AKT3: variants seen among roughly 807,000 people sequenced by gnomAD.
AKT3 encodes AKT serine/threonine kinase 3, also known as RAC-gamma serine/threonine-protein kinase.
Under a neutral mutation model 65.3 loss-of-function variants are expected in AKT3, and 15 were observed. That is an observed-to-expected ratio of 0.23 (90% CI 0.15 to 0.35). The LOEUF (loss-of-function observed/expected upper bound fraction) is 0.35. AKT3 is among the 10% of genes least tolerant of loss of function. AKT3 has a pLI of 1.00. For synonymous variants in AKT3, 206 were observed against 183.8 expected (o/e 1.12, Z -0.98); for missense variants, 243 against 576.5 (o/e 0.42, Z 5.92).
chr1:243,833,156 G>A (rs1371059220), intron 2 of AKT3, among the ~76,000 whole-genome samples: 1 of 152,096 alleles, frequency 6.6e-6, no homozygotes, highest in Non-Finnish European at 1.5e-5. Context: ...AGAGGCTGAG[G>A]CAGGAGAATT....
intron 2 of AKT3, among the ~76,000 whole-genome samples, chr1:243,817,518 A>C (rs1693604100): frequency 6.6e-6 from 1 of 152,238 alleles, no homozygotes; most frequent in Non-Finnish European, 1.5e-5. Context: ...AGGTGGGCGA[A>C]TCACTTGAGG....
chr1:243,808,365 G>A (rs866047130), intron 2 of AKT3: 3 of 152,162 alleles, frequency 2.0e-5, no homozygotes, highest in East Asian at 1.9e-4. Context: ...ACCATGGCAC[G>A]AGAACTACGT....
intron 6 of AKT3, among the ~76,000 whole-genome samples, chr1:243,620,925 T>C (rs1678700726): frequency 6.6e-6 from 1 of 152,104 alleles, no homozygotes; most frequent in Admixed American, 6.6e-5. Context: ...GACAAGTTCA[T>C]CTCTACCCTC....
At chr1:243,801,376 A>C (rs1692371651) in intron 2 of AKT3, among the ~76,000 whole-genome samples, 1 of 152,216 alleles carries the variant, frequency 6.6e-6, no homozygotes, top group Admixed American at 6.5e-5. Context: ...GCCATTTTTG[A>C]CCTAATAATT....
At chr1:243,536,246 A>AT (rs2148426420) in intron 12 of AKT3, among the ~76,000 whole-genome samples, 1 of 152,010 alleles carries the variant, frequency 6.6e-6, no homozygotes, top group African/African-American at 2.4e-5. Context: ...CCATTTATTT[A>AT]TTTTTGTTTT....
At chr1:243,727,617 T>C (rs1687291250) in intron 2 of AKT3, among the ~76,000 whole-genome samples, 1 of 152,164 alleles carries the variant, frequency 6.6e-6, no homozygotes, top group South Asian at 2.1e-4. Flanking sequence ...TTACTCTTCA[T>C]TGTAATTTAT....
intron 12 of AKT3, among the ~76,000 whole-genome samples, chr1:243,540,723 C>T (rs1672251719): frequency 6.6e-6 from 1 of 152,158 alleles, no homozygotes; most frequent in Admixed American, 6.6e-5. Flanking sequence ...CAGGATCCCA[C>T]ATCGCAGTTA....
At chr1:243,606,152 C>A (rs922011450) in intron 8 of AKT3, among the ~76,000 whole-genome samples, 1 of 152,112 alleles carries the variant, frequency 6.6e-6, no homozygotes, top group African/African-American at 2.4e-5. Context: ...AGCATGAGAA[C>A]AGAGAATGGA....
chr1:243,809,644 G>C (rs1373157260), intron 2 of AKT3, among the ~76,000 whole-genome samples: 7 of 152,210 alleles, frequency 4.6e-5, no homozygotes, highest in Admixed American at 2.6e-4. Flanking sequence ...AGTTAACAAG[G>C]ATATCCAGGA....
At chr1:243,785,640 CCA>C (rs898700880) in intron 2 of AKT3, among the ~76,000 whole-genome samples, 7 of 152,098 alleles carry the variant, frequency 4.6e-5, no homozygotes, top group Admixed American at 2.6e-4. Flanking sequence ...CGTCCATTAC[CCA>C]CAGTCTTCCA....
At chr1:243,520,286 C>T (rs934059446) in intron 12 of AKT3, among the ~76,000 whole-genome samples, 31 of 152,270 alleles carry the variant, frequency 2.0e-4, no homozygotes, top group Admixed American at 1.4e-3. Flanking sequence ...AGGGAAAAGA[C>T]GGCCATCTGC....
intron 12 of AKT3, among the ~76,000 whole-genome samples, chr1:243,543,756 C>T (rs1452925894): frequency 6.6e-6 from 1 of 152,150 alleles, no homozygotes; most frequent in Non-Finnish European, 1.5e-5. Flanking sequence ...TCAAGTGCTT[C>T]TCATAAAGGT....
intron 12 of AKT3, among the ~76,000 whole-genome samples, chr1:243,544,378 T>A (rs1672519209): frequency 1.3e-5 from 2 of 152,002 alleles, no homozygotes; most frequent in South Asian, 4.1e-4. Context: ...AATCCAGCAC[T>A]TTGGGAGGCC....
At chr1:243,668,950 T>G (rs1057113165) in intron 3 of AKT3, among the ~76,000 whole-genome samples, 2 of 152,344 alleles carry the variant, frequency 1.3e-5, no homozygotes, top group Non-Finnish European at 2.9e-5. Flanking sequence ...GCATGACATT[T>G]TTTGAAATAT....
chr1:243,634,049 G>C (rs950830286), intron 6 of AKT3, among the ~76,000 whole-genome samples: 1 of 151,976 alleles, frequency 6.6e-6, no homozygotes, highest in African/African-American at 2.4e-5. Flanking sequence ...ATCCATGGGG[G>C]ATTGGTTTCA....
chr1:243,532,885 G>A (rs1336179125), intron 12 of AKT3, among the ~76,000 whole-genome samples: 1 of 152,154 alleles, frequency 6.6e-6, no homozygotes, highest in Non-Finnish European at 1.5e-5. Flanking sequence ...GGTGATTTGT[G>A]TATTTCCAGG....
intron 3 of AKT3, among the ~76,000 whole-genome samples, chr1:243,679,230 A>T (rs1683746065): frequency 1.3e-5 from 2 of 152,214 alleles, no homozygotes; most frequent in African/African-American, 4.8e-5. Flanking sequence ...GGGCAACAGT[A>T]GGATATTGGT....
rs541853852 is a variant in AKT3, at chr1:243,708,388, T to C, written c.47-12672A>G. 1.5e-3 allele frequency among the ~76,000 whole-genome samples: 230 copies of C among 152,116 alleles called. 1 individual carries two copies. Among genetic ancestry groups the C allele is most frequent in the African/African-American group, 5.3e-3 (222 of 41,554 alleles). ...ATGTTAAAAATGAATTTACTTACCT[T>C]GGCCCTCTGAGGGCAGTATTACCTA... is the stretch of plus-strand genomic sequence containing the variant. On this transcript the variant is annotated intron_variant, in intron 2 of 13. Transcript: ENST00000673466.
chr1:243,650,322 A>T (rs919789283), intron 4 of AKT3, among the ~76,000 whole-genome samples: 2 of 152,158 alleles, frequency 1.3e-5, no homozygotes, highest in African/African-American at 4.8e-5. Flanking sequence ...TGTCAGACGA[A>T]TAGATTGCAA....
Sources: allele counts gnomAD v4.1 joint callset (sites outside exome capture counted in the v4.1 genomes callset), GRCh38; gene constraint gnomAD v4.1.1; transcripts MANE v1.5; gene names NCBI Gene and HGNC (gene_info 2026-07-23, HGNC 2026-07-21).